The following CYFIP1 variants were observed in gnomAD, a reference collection of about 807,000 sequenced individuals.
CYFIP1 encodes cytoplasmic FMR1-interacting protein 1.
Under a neutral mutation model 163.5 loss-of-function variants are expected in CYFIP1, and 58 were observed. The observed-to-expected ratio is 0.35, with a 90% CI of 0.29 to 0.44. The LOEUF is 0.44. Ranked by LOEUF, CYFIP1 falls within the 20% of genes least tolerant of loss-of-function variation. The pLI, the probability that CYFIP1 is intolerant of heterozygous loss-of-function variation, is 1.00. For missense variants in CYFIP1, 1,338 were observed against 1,653.8 expected (o/e 0.81, Z 3.31); for synonymous variants, 663 against 660.7 (o/e 1.00, Z -0.05).
chr15:22,903,643 C>T, intron 22 of CYFIP1, 63 bp downstream of exon 22: 1 of 1,558,328 alleles, frequency 6.4e-7, no homozygotes, highest in South Asian at 1.1e-5. Flanking sequence ...ATGGAGGAAG[C>T]CTGCGGGGAC....
intron 27 of CYFIP1, 36 bp from the exon 28 acceptor site, chr15:22,874,680 C>T: frequency 6.9e-7 from 1 of 1,443,442 alleles, no homozygotes; most frequent in East Asian, 2.4e-5. Context: ...TATTCTGCTC[C>T]TTTGTATGAA....
intron 1 of CYFIP1, among the ~76,000 whole-genome samples, chr15:22,957,254 G>A (rs963060498): frequency 6.6e-6 from 1 of 152,244 alleles, no homozygotes; most frequent in African/African-American, 2.4e-5. Context: ...TGTAATCCCA[G>A]CACTCTGGGA....
chr15:22,932,559 C>CT (rs2061572577), intron 10 of CYFIP1, among the ~76,000 whole-genome samples: 1 of 152,180 alleles, frequency 6.6e-6, no homozygotes. Context: ...GAAAAGGTTT[C>CT]TTGACCCCTG....
intron 25 of CYFIP1, among the ~76,000 whole-genome samples, chr15:22,881,437 C>A (rs139446100): frequency 0.015 from 2,252 of 152,264 alleles, 28 homozygotes; most frequent in Non-Finnish European, 0.023. Flanking sequence ...AGCACACCTG[C>A]CTGAGGGCCC....
intron 15 of CYFIP1, 95 bp from the exon 16 acceptor site, chr15:22,916,725 G>A (rs751711620): frequency 4.5e-5 from 73 of 1,613,682 alleles, no homozygotes; most frequent in South Asian, 3.0e-4. Flanking sequence ...GGACTGCTCC[G>A]CTACGCCCTG....
At chr15:22,920,281 C>G (rs2061130436) in intron 13 of CYFIP1, among the ~76,000 whole-genome samples, 1 of 149,742 alleles carries the variant, frequency 6.7e-6, no homozygotes, top group Non-Finnish European at 1.5e-5. Context: ...CCTCCTGCCT[C>G]AGCCTCCTGG....
chr15:22,946,756 G>A, intron 3 of CYFIP1: 2 of 656,498 alleles, frequency 3.0e-6, no homozygotes, highest in Non-Finnish European at 2.8e-6. Flanking sequence ...CATTAACAGG[G>A]CAGGTGCACC....
Position 22,916,640 on chromosome 15 carries a change from C to T in CYFIP1, c.1675-10G>A. ...TTCTCACCATGTAAAGCTGGATTAT[C>T]CAAGGAAACATTTGTGGGGGAGAAA... On this transcript the variant is annotated splice_polypyrimidine_tract_variant and intron_variant, in intron 15 of 30. Transcript: ENST00000617928. The T allele has an allele frequency of 6.2e-7, 1 of 1,614,104 alleles. No homozygotes were observed. Among genetic ancestry groups the T allele is most frequent in the Non-Finnish European group, 8.5e-7 (1 of 1,180,018 alleles).
intron 6 of CYFIP1, among the ~76,000 whole-genome samples, chr15:22,942,925 A>G (rs1160705323): frequency 6.6e-6 from 1 of 152,202 alleles, no homozygotes; most frequent in Non-Finnish European, 1.5e-5. Context: ...CCTCTGTGAC[A>G]TCTGAGGACA....
intron 1 of CYFIP1, among the ~76,000 whole-genome samples, chr15:22,975,536 A>G (rs1018055699): frequency 1.2e-4 from 18 of 151,366 alleles, no homozygotes; most frequent in Non-Finnish European, 2.7e-4. Flanking sequence ...AGAGGCGGGC[A>G]GATCACCTGA....
chr15:22,938,285 G>A (rs948252228), intron 8 of CYFIP1, among the ~76,000 whole-genome samples: 1 of 152,206 alleles, frequency 6.6e-6, no homozygotes, highest in Non-Finnish European at 1.5e-5. Flanking sequence ...TCACATGCTT[G>A]ACAAGTAGAA....
intron 1 of CYFIP1, chr15:22,951,413 T>G (rs2062245081): frequency 1.6e-6 from 2 of 1,289,100 alleles, no homozygotes; most frequent in African/African-American, 3.0e-5. Context: ...GCCCCAGCGC[T>G]GCCTGCAGAG....
In CYFIP1 at chr15:22,881,944, G is replaced by A. The variant is rs1261822456; in HGVS notation, c.2821-8C>T. On this transcript the variant is annotated splice_polypyrimidine_tract_variant and splice_region_variant and intron_variant, in intron 24 of 30. Coordinates refer to ENST00000617928, the MANE Select transcript of CYFIP1 (RefSeq NM_014608.6). Reference sequence around the variant, plus strand: ...CAGGATTGTGCCTTGCAGCTGCCGGGGAGATGAGACGGGCTGCGTCAGCCA... The same window carrying A: ...CAGGATTGTGCCTTGCAGCTGCCGGAGAGATGAGACGGGCTGCGTCAGCCA... 1 of 1,610,968 alleles carries A rather than the reference G, an allele frequency of 6.2e-7. No homozygotes were observed. Among genetic ancestry groups the A allele is most frequent in the African/African-American group, 1.3e-5 (1 of 74,902 alleles).
At chr15:22,928,637 G>C (rs991402724) in intron 11 of CYFIP1, among the ~76,000 whole-genome samples, 1 of 152,092 alleles carries the variant, frequency 6.6e-6, no homozygotes, top group South Asian at 2.1e-4. Context: ...AAGTCACGTG[G>C]GTTTGCTTCT....
intron 1 of CYFIP1, among the ~76,000 whole-genome samples, chr15:22,977,322 A>G (rs1229409973): frequency 1.3e-5 from 2 of 152,164 alleles, no homozygotes; most frequent in Non-Finnish European, 2.9e-5. Flanking sequence ...CTATGTAGAT[A>G]ATCATGTTGT....
intron 12 of CYFIP1, 139 bp downstream of exon 12, chr15:22,927,767 T>A: frequency 3.7e-6 from 3 of 808,862 alleles, no homozygotes; most frequent in Non-Finnish European, 5.4e-6. Flanking sequence ...GTACTTAAAA[T>A]CACCTTGGAA....
chr15:22,933,756 G>A (rs367978660), intron 10 of CYFIP1, 46 bp downstream of exon 10: 39 of 1,391,168 alleles, frequency 2.8e-5, no homozygotes, highest in Admixed American at 5.4e-5. Context: ...CGCACAATGA[G>A]GACACTGCCG....
chr15:22,948,078 G>A (rs1329572738), intron 1 of CYFIP1: 3 of 802,464 alleles, frequency 3.7e-6, no homozygotes, highest in Non-Finnish European at 4.5e-6. Flanking sequence ...CTGAACAGAA[G>A]GAGCCCCAAA....
Position 22,950,855 on chromosome 15 carries a change from G to T in CYFIP1, c.-6-3564C>A, listed in dbSNP as rs75601344. On this transcript the variant is annotated intron_variant, in intron 1 of 30. Transcript: ENST00000617928. ...AAGGCTGCATTGCAATGCCTGCGCC[G>T]CCCATCTCACCGCCATCTCACGGCG... is the stretch of plus-strand genomic sequence containing the variant. Among the ~76,000 whole-genome samples, 33 of 152,326 alleles carry T rather than the reference G, an allele frequency of 2.2e-4. 1 individual carries two copies. The East Asian group carries it at 6.4e-3, about 29-fold the overall frequency.
Sources: allele counts gnomAD v4.1 joint callset (sites outside exome capture counted in the v4.1 genomes callset), GRCh38; gene constraint gnomAD v4.1.1; transcripts MANE v1.5; gene names NCBI Gene and HGNC (gene_info 2026-07-23, HGNC 2026-07-21).